ARL15: variants seen among roughly 807,000 people sequenced by gnomAD.
The protein encoded by ARL15 is ADP-ribosylation factor-like protein 15.
In ARL15, 19 loss-of-function variants were observed where a neutral mutation model predicts 25.2. The ratio of observed to expected loss-of-function variants is 0.75; its 90% CI spans 0.53 to 1.10. The LOEUF (loss-of-function observed/expected upper bound fraction) is 1.10. ARL15 is among the 50% of genes least tolerant of loss of function. ARL15 has a pLI of 0.00. For synonymous variants in ARL15, 94 were observed against 86.8 expected, an observed-to-expected ratio of 1.08 and a Z score of -0.46; for missense variants, 220 against 246.0, an observed-to-expected ratio of 0.89 and a Z score of 0.71.
chr5:54,004,493 T>TTAA (rs1748953146), intron 4 of ARL15, among the ~76,000 whole-genome samples: 1 of 85,900 alleles, frequency 1.2e-5, no homozygotes, highest in African/African-American at 5.5e-5. Context: ...AGACTGTGTC[T>TTAA]CAAAAAAAAA....
chr5:54,134,731 C>T (rs1253724583), intron 3 of ARL15, among the ~76,000 whole-genome samples: 3 of 151,600 alleles, frequency 2.0e-5, no homozygotes, highest in South Asian at 4.2e-4. Context: ...ACTACAGGCA[C>T]GCACCACCAC....
intron 4 of ARL15, among the ~76,000 whole-genome samples, chr5:53,983,904 C>G (rs1748206106): frequency 6.6e-6 from 1 of 152,186 alleles, no homozygotes; most frequent in Admixed American, 6.5e-5. Flanking sequence ...ACAGGCCATC[C>G]AGTCATTTGG....
chr5:53,892,546 C>T (rs189902816), intron 4 of ARL15, among the ~76,000 whole-genome samples: 1 of 151,458 alleles, frequency 6.6e-6, no homozygotes, highest in African/African-American at 2.4e-5. Flanking sequence ...CTATAGGAAT[C>T]ATGGTTTTGG....
intron 3 of ARL15, among the ~76,000 whole-genome samples, chr5:54,152,727 C>A (rs1754105116): frequency 6.6e-6 from 1 of 152,170 alleles, no homozygotes; most frequent in African/African-American, 2.4e-5. Context: ...GAAATAGGTA[C>A]CAACTAAAAC....
intron 4 of ARL15, among the ~76,000 whole-genome samples, chr5:53,961,134 AT>A (rs1257048413): frequency 6.6e-6 from 1 of 152,176 alleles, no homozygotes; most frequent in Non-Finnish European, 1.5e-5. Context: ...TAGGCTTGAA[AT>A]TTTTTAAATC....
At chr5:53,933,855 G>T (rs1020729855) in intron 4 of ARL15, among the ~76,000 whole-genome samples, 2 of 152,024 alleles carry the variant, frequency 1.3e-5, no homozygotes, top group Admixed American at 1.3e-4. Context: ...TGCAAAATCT[G>T]GCTTAAATAG....
chr5:54,244,830 C>T (rs1244280790), intron 1 of ARL15, among the ~76,000 whole-genome samples: 1 of 151,826 alleles, frequency 6.6e-6, no homozygotes, highest in East Asian at 1.9e-4. Context: ...GGTTAATCAT[C>T]AGCATTTATT....
chr5:54,218,879 A>G (rs57019802), intron 1 of ARL15, among the ~76,000 whole-genome samples: 12,135 of 152,194 alleles, frequency 0.08, 1,661 homozygotes, highest in African/African-American at 0.28. Context: ...GAGCACAGCT[A>G]GTCTTCTAAT....
chr5:53,998,219 G>A (rs922025967), intron 4 of ARL15, among the ~76,000 whole-genome samples: 5 of 148,614 alleles, frequency 3.4e-5, no homozygotes, highest in Admixed American at 1.4e-4. Flanking sequence ...TATTTCTCTC[G>A]CTTTTCCCAT....
chr5:54,280,243 A>G (rs1037550582), intron 1 of ARL15, among the ~76,000 whole-genome samples: 1 of 152,240 alleles, frequency 6.6e-6, no homozygotes, highest in South Asian at 2.1e-4. Flanking sequence ...CTTCATAGAC[A>G]TTCCCCAACT....
At chr5:53,921,673 G>C (rs1745864678) in intron 4 of ARL15, among the ~76,000 whole-genome samples, 1 of 152,220 alleles carries the variant, frequency 6.6e-6, no homozygotes, top group Non-Finnish European at 1.5e-5. Flanking sequence ...TTGGGAGGCT[G>C]AGGTGGGAGG....
At chr5:54,079,967 TCACA>T (rs58908566) in intron 4 of ARL15, among the ~76,000 whole-genome samples, 15,576 of 124,086 alleles carry the variant, frequency 0.13, 980 homozygotes, top group Middle Eastern at 0.16. Flanking sequence ...TGAGACTCCG[TCACA>T]CACACACACA....
chr5:54,218,692 A>G lies in ARL15; in HGVS notation c.49-46764T>C, dbSNP rs148999222. Among the ~76,000 whole-genome samples the G allele has an allele frequency of 3.9e-4, 60 of 152,160 alleles. No individual in the cohort carries two copies. In the South Asian group the frequency reaches 5.0e-3, roughly 13 times the overall value. On this transcript the variant is annotated intron_variant, in intron 1 of 4. Coordinates refer to ENST00000504924, the MANE Select transcript of ARL15 (RefSeq NM_019087.3). ...CAGAACTCAGTAAAATTCTATACAT[A>G]CCAAAGACGGCAATGGCATCACCAG...
At chr5:53,975,556 C>T (rs1355946835) in intron 4 of ARL15, among the ~76,000 whole-genome samples, 1 of 152,202 alleles carries the variant, frequency 6.6e-6, no homozygotes, top group Non-Finnish European at 1.5e-5. Context: ...ATGTTCAGAT[C>T]TAATTCTGTT....
chr5:54,301,712 G>A (rs1301804413), intron 1 of ARL15, among the ~76,000 whole-genome samples: 3 of 152,190 alleles, frequency 2.0e-5, no homozygotes, highest in Admixed American at 1.3e-4. Flanking sequence ...TGGTCCTGGA[G>A]TGCCTCCAGA....
chr5:53,889,439 G>A (rs1377690015), intron 4 of ARL15, among the ~76,000 whole-genome samples: 1 of 152,210 alleles, frequency 6.6e-6, no homozygotes, highest in African/African-American at 2.4e-5. Context: ...TTCAGAAGTT[G>A]TTCCTGCTGA....
chr5:54,297,622 T>C (rs1170691350), intron 1 of ARL15, among the ~76,000 whole-genome samples: 1 of 152,248 alleles, frequency 6.6e-6, no homozygotes, highest in Admixed American at 6.5e-5. Flanking sequence ...AATTTTTAGT[T>C]TTCCCTCCCC....
At chr5:54,009,897 G>T (rs567695164) in intron 4 of ARL15, among the ~76,000 whole-genome samples, 3 of 152,144 alleles carry the variant, frequency 2.0e-5, no homozygotes, top group Admixed American at 6.5e-5. Context: ...AGAATTTAAG[G>T]TTCTTCCTCA....
chr5:54,128,293 C>A (rs779692792), intron 3 of ARL15, among the ~76,000 whole-genome samples: 1 of 152,204 alleles, frequency 6.6e-6, no homozygotes, highest in Non-Finnish European at 1.5e-5. Flanking sequence ...AAGCTAGACA[C>A]ACAACAAAGC....
Sources: gnomAD v4.1 joint callset for allele counts (sites outside exome capture counted in the v4.1 genomes callset) on GRCh38, gnomAD v4.1.1 for gene constraint, MANE v1.5 for transcripts, NCBI Gene and HGNC (gene_info 2026-07-23, HGNC 2026-07-21) for gene names.